Variants in TSPAN4 observed in about 807,000 individuals in gnomAD.
TSPAN4 encodes tetraspanin 4, also known as tetraspanin-4.
A neutral mutation model predicts 31.5 loss-of-function variants in TSPAN4; 38 were observed. The ratio of observed to expected loss-of-function variants is 1.21; its 90% confidence interval spans 0.93 to 1.58. The LOEUF (loss-of-function observed/expected upper bound fraction) is 1.58, where lower values mean the gene tolerates loss of function less well. TSPAN4 is among the 40% of genes most tolerant of loss of function. The pLI is 0.00. For missense variants in TSPAN4, 330 were observed against 317.3 expected, an observed-to-expected ratio of 1.04 and a Z score of -0.30; for synonymous variants, 186 against 144.6, an observed-to-expected ratio of 1.29 and a Z score of -2.06.
At chr11:865,491 C>A (rs551883891) in intron 5 of TSPAN4, 22 bp from the exon 6 acceptor site, 1 of 1,599,578 alleles carries the variant, frequency 6.3e-7, no homozygotes, top group Admixed American at 1.7e-5. Flanking sequence ...AGGGGCCCTG[C>A]TGACCCCCCC....
At chr11:852,644 C>T (rs957040774) in intron 3 of TSPAN4, among the ~76,000 whole-genome samples, 7 of 152,218 alleles carry the variant, frequency 4.6e-5, no homozygotes, top group Non-Finnish European at 1.0e-4. Flanking sequence ...GCCCTCTCCT[C>T]CTGGCGTGAG....
chr11:862,858 C>T (rs568601591), intron 4 of TSPAN4, 117 bp downstream of exon 4: 83 of 1,142,764 alleles, frequency 7.3e-5, no homozygotes, highest in South Asian at 4.4e-4. Flanking sequence ...CCTCTGGGGC[C>T]GGACCTCCAG....
rs1848522792 is a variant in TSPAN4, at chr11:862,636, C to G, written c.150C>G (p.Ser50=). The G allele has an allele frequency of 4.3e-6, 7 of 1,613,420 alleles. No homozygotes were observed. In the East Asian group the frequency reaches 1.6e-4, roughly 36 times the overall value. ...CCACGCTGTCCTCTTCCTTCCCGTCCCTGTCGGCTGCCAACTTGCTCATCA... is the reference window on the plus strand; with the variant it reads ...CCACGCTGTCCTCTTCCTTCCCGTCGCTGTCGGCTGCCAACTTGCTCATCA... ...SFATLSSSFP[S]LSAANLLIIT... Residue 50 remains serine (S), a synonymous_variant, in exon 4 of 9, where the codon TCC becomes TCG. Coordinates refer to ENST00000397397, the MANE Select transcript of TSPAN4 (RefSeq NM_003271.5).
At chr11:846,174 A>C (rs1847313968) in intron 1 of TSPAN4, among the ~76,000 whole-genome samples, 1 of 152,110 alleles carries the variant, frequency 6.6e-6, no homozygotes, top group African/African-American at 2.4e-5. Context: ...GGAGACCCCG[A>C]GGTCTGGGCT....
intron 3 of TSPAN4, among the ~76,000 whole-genome samples, chr11:861,895 C>T (rs1363045637): frequency 6.6e-6 from 1 of 152,106 alleles, no homozygotes; most frequent in Non-Finnish European, 1.5e-5. Context: ...TGCACTCCAG[C>T]CTGAGCAACA....
intron 8 of TSPAN4, 63 bp from the exon 9 acceptor site, chr11:866,499 G>A (rs34165342): frequency 0.24 from 372,950 of 1,529,626 alleles, 49,015 homozygotes; most frequent in South Asian, 0.37. Flanking sequence ...GACAGGGACT[G>A]CTCTGGGCTT....
chr11:845,417 C>T (rs947005711), intron 1 of TSPAN4, among the ~76,000 whole-genome samples: 4 of 152,196 alleles, frequency 2.6e-5, no homozygotes, highest in African/African-American at 4.8e-5. Flanking sequence ...GGGAGACCGG[C>T]GCTGTGAGCG....
intron 3 of TSPAN4, 115 bp downstream of exon 3, chr11:850,482 T>C: frequency 1.1e-6 from 1 of 902,004 alleles, no homozygotes; most frequent in Non-Finnish European, 1.7e-6. Flanking sequence ...GGTGCGGTTG[T>C]GGGGATGGTC....
chr11:866,793 T>C lies in TSPAN4; in HGVS notation c.*163T>C, dbSNP rs1280885157. The C allele has an allele frequency of 1.3e-6, 1 of 770,962 alleles. No homozygotes were observed. Among genetic ancestry groups the C allele is most frequent in the Non-Finnish European group, 2.0e-6 (1 of 501,918 alleles). The allele number at this position is 770,962 out of a possible 1,614,324, so 47.8% of individuals were successfully genotyped here. A position where few individuals can be genotyped will look rare whatever the true frequency, so the allele number is the denominator to read the frequency against. On this transcript the variant is annotated 3_prime_UTR_variant, in exon 9 of 9. Transcript: ENST00000397397. ...CCGGAACCCTGTTTCTGGAAGGCCC[T>C]AGCTCAGGTGGCTTCAGGGCCTCCG...
At chr11:852,349 C>G in intron 3 of TSPAN4, among the ~76,000 whole-genome samples, 1 of 152,108 alleles carries the variant, frequency 6.6e-6, no homozygotes, top group East Asian at 1.9e-4. Context: ...GTCTCGAACT[C>G]CTGACCTCGT....
rs750969026 is a variant in TSPAN4, at chr11:865,467, C to CG, written c.331-42dup. On this transcript the variant is annotated intron_variant, in intron 5 of 8. Transcript: ENST00000397397. ...GGCGAGGGGGTCTGGATGAGGGAGGCGGGGTACAGTGGGAGGGGCCCTGCT... is the reference window on the plus strand; with the variant it reads ...GGCGAGGGGGTCTGGATGAGGGAGGCGGGGGTACAGTGGGAGGGGCCCTGCT... 4.0e-6 allele frequency: 6 copies of CG among 1,502,260 alleles called. No individual in the cohort carries two copies. The African/African-American group carries it at 8.3e-5, about 21-fold the overall frequency. 93.1% of individuals were successfully genotyped at this position (1,502,260 alleles called of 1,614,324 possible). A position where few individuals can be genotyped will look rare whatever the true frequency, so the allele number is the denominator to read the frequency against.
chr11:851,592 A>C (rs984379449), intron 3 of TSPAN4, among the ~76,000 whole-genome samples: 2 of 152,032 alleles, frequency 1.3e-5, no homozygotes, highest in Admixed American at 1.3e-4. Context: ...TGGCCCAGAC[A>C]TCCACCTCCA....
intron 3 of TSPAN4, chr11:858,175 T>C: frequency 6.6e-6 from 1 of 152,568 alleles, no homozygotes; most frequent in Non-Finnish European, 1.5e-5. Context: ...CCATTGCCTG[T>C]CCAGGCCTCT....
In TSPAN4 at chr11:866,639, C is replaced by A. The variant is rs1193673619; in HGVS notation, c.*9C>A. ...ACACCTACTGCGCGTAGGCCGCCCA[C>A]CGCCCGCTTCTCTGCCAAAAGGACG... On this transcript the variant is annotated 3_prime_UTR_variant, in exon 9 of 9. Transcript: ENST00000397397. 1 of 1,609,674 alleles carries A rather than the reference C, an allele frequency of 6.2e-7. No homozygotes were observed. The highest frequency in any genetic ancestry group is 8.5e-7 in the Non-Finnish European group (1 of 1,178,442).
At chr11:866,279 C>T (rs374602340) in intron 8 of TSPAN4, among the ~76,000 whole-genome samples, 5 of 152,200 alleles carry the variant, frequency 3.3e-5, no homozygotes, top group African/African-American at 1.2e-4. Flanking sequence ...AGGGTGGCAG[C>T]TGGGGCCCTG....
At chr11:859,879 GC>G (rs1848354422) in intron 3 of TSPAN4, 1 of 152,256 alleles carries the variant, frequency 6.6e-6, no homozygotes, top group Admixed American at 6.5e-5. Context: ...GCCACGAGGG[GC>G]TGTGTGGTCA....
chr11:862,637 C>T lies in TSPAN4; in HGVS notation c.151C>T (p.Leu51=). Residue 51 remains leucine (L), a synonymous_variant, in exon 4 of 9, where the codon CTG becomes TTG. Transcript: ENST00000397397. Reference sequence around the variant, plus strand: ...CACGCTGTCCTCTTCCTTCCCGTCCCTGTCGGCTGCCAACTTGCTCATCAT... The same window carrying T: ...CACGCTGTCCTCTTCCTTCCCGTCCTTGTCGGCTGCCAACTTGCTCATCAT... The part of the protein sequence containing the change: ...FATLSSSFPS[L]SAANLLIITG... 1 of 1,613,412 alleles carries T rather than the reference C, an allele frequency of 6.2e-7. No individual in the cohort carries two copies. The highest frequency in any genetic ancestry group is 8.5e-7 in the Non-Finnish European group (1 of 1,179,894).
Position 848,878 on chromosome 11 carries a change from G to A in TSPAN4, c.-17-1410G>A, listed in dbSNP as rs2133991953. 1 of 709,072 alleles carries A rather than the reference G, an allele frequency of 1.4e-6. No individual in the cohort carries two copies. The highest frequency in any genetic ancestry group is 2.7e-5 in the East Asian group (1 of 36,952). 43.9% of individuals were successfully genotyped at this position (709,072 alleles called of 1,614,324 possible). A position where few individuals can be genotyped will look rare whatever the true frequency, so the allele number is the denominator to read the frequency against. On this transcript the variant is annotated intron_variant, in intron 2 of 8. Coordinates refer to ENST00000397397, the MANE Select transcript of TSPAN4 (RefSeq NM_003271.5). This position sits in a 1 kb window ranked among gnomAD's most constrained non-coding sequence, Gnocchi z 5.7. ...CCCCATCTCCGGCTGTGGGAGGTGT[G>A]TGCGCATCCGGCGTGATGACACCCA...
intron 1 of TSPAN4, chr11:844,546 C>G (rs1447582206): frequency 6.6e-6 from 1 of 151,976 alleles, no homozygotes; most frequent in Non-Finnish European, 1.5e-5. Context: ...CGACTGGGCT[C>G]TACCTGAGGA....
Sources: allele counts gnomAD v4.1 joint callset (sites outside exome capture counted in the v4.1 genomes callset), GRCh38; gene constraint gnomAD v4.1.1; non-coding constraint Gnocchi (gnomAD v3.1); transcripts MANE v1.5; gene names NCBI Gene and HGNC (gene_info 2026-07-23, HGNC 2026-07-21).